CRACR2A: variants seen among roughly 807,000 people sequenced by gnomAD.
CRACR2A encodes EF-hand calcium-binding domain-containing protein 4B.
A neutral mutation model predicts 90.5 loss-of-function variants in CRACR2A; 79 were observed. The ratio of observed to expected loss-of-function variants is 0.87; its 90% confidence interval spans 0.73 to 1.05. The LOEUF is 1.05. Among genes scored for constraint, CRACR2A ranks in the 50% least tolerant of loss-of-function variants. The pLI, the probability that CRACR2A is intolerant of heterozygous loss-of-function variation, is 0.00. For synonymous variants in CRACR2A, 338 were observed against 356.7 expected (o/e 0.95, Z 0.59); for missense variants, 823 against 897.2 (o/e 0.92, Z 1.06).
chr12:3,666,368 CGT>C (rs1945148799), intron 7 of CRACR2A, among the ~76,000 whole-genome samples: 1 of 120,574 alleles, frequency 8.3e-6, no homozygotes, highest in Non-Finnish European at 1.7e-5. Context: ...TGCGTGTGCG[CGT>C]GCGCGCGCAC....
At chr12:3,623,645 G>T (rs906499846) in intron 17 of CRACR2A, among the ~76,000 whole-genome samples, 1 of 152,202 alleles carries the variant, frequency 6.6e-6, no homozygotes, top group Admixed American at 6.5e-5. Flanking sequence ...ATAAGAAATT[G>T]GGGGTGGGTT....
intron 12 of CRACR2A, among the ~76,000 whole-genome samples, chr12:3,642,641 C>T (rs1420891878): frequency 1.3e-5 from 2 of 152,210 alleles, no homozygotes; most frequent in Admixed American, 1.3e-4. Context: ...AGTAACTAGC[C>T]AGGAGGATCA....
At chr12:3,660,701 T>C (rs1406341052) in intron 7 of CRACR2A, among the ~76,000 whole-genome samples, 1 of 152,088 alleles carries the variant, frequency 6.6e-6, no homozygotes, top group Non-Finnish European at 1.5e-5. Flanking sequence ...TTCATACCTT[T>C]TTTGCTGACC....
intron 2 of CRACR2A, among the ~76,000 whole-genome samples, chr12:3,723,124 C>T (rs1227584785): frequency 3.9e-5 from 6 of 152,186 alleles, no homozygotes; most frequent in Non-Finnish European, 7.3e-5. Flanking sequence ...TGCTGGACTG[C>T]GAGCTCCTTG....
intron 1 of CRACR2A, among the ~76,000 whole-genome samples, chr12:3,738,630 C>T (rs909543066): frequency 7.2e-5 from 11 of 151,944 alleles, no homozygotes; most frequent in Admixed American, 2.0e-4. Context: ...TGAAAGAGAA[C>T]TTAAGAGACA....
intron 8 of CRACR2A, among the ~76,000 whole-genome samples, chr12:3,656,822 C>T (rs1944919142): frequency 6.6e-6 from 1 of 152,154 alleles, no homozygotes; most frequent in Non-Finnish European, 1.5e-5. Flanking sequence ...CACCTTCCGA[C>T]CTGGATATTC....
intron 7 of CRACR2A, among the ~76,000 whole-genome samples, chr12:3,669,845 G>T (rs894223330): frequency 5.3e-5 from 8 of 152,066 alleles, no homozygotes; most frequent in Admixed American, 1.3e-4. Flanking sequence ...GGAGGCTGGG[G>T]ACAGGGAGTG....
intron 7 of CRACR2A, among the ~76,000 whole-genome samples, chr12:3,665,244 C>T (rs935690666): frequency 2.0e-5 from 3 of 152,150 alleles, no homozygotes; most frequent in African/African-American, 7.2e-5. Context: ...TTATCCTCCC[C>T]GTCCTTTTCT....
chr12:3,730,041 G>A (rs1946336353), intron 2 of CRACR2A: 1 of 152,252 alleles, frequency 6.6e-6, no homozygotes, highest in Non-Finnish European at 1.5e-5. Flanking sequence ...CTCCCGAGAT[G>A]AAAGCCTGGA....
intron 17 of CRACR2A, among the ~76,000 whole-genome samples, chr12:3,621,617 C>G (rs551541347): frequency 2.0e-5 from 2 of 100,288 alleles, no homozygotes; most frequent in Non-Finnish European, 3.7e-5. Context: ...TGCCACTGCA[C>G]TCCAGCCTCA....
At position 3,659,585 on chromosome 12, in the gene CRACR2A, C is replaced by T. The variant is rs148965074; in HGVS notation, c.741G>A (p.Glu247=). Residue 247 remains glutamate (E), a synonymous_variant, in exon 8 of 20, where the codon GAG becomes GAA. Coordinates refer to ENST00000440314, the MANE Select transcript of CRACR2A (RefSeq NM_001144958.2). ...YEEMEQQIKS[E]KEQFLLKDTE... is the part of the protein sequence containing the mutation. Reference sequence around the variant, plus strand: ...TTACCTTCAGGAGAAACTGCTCCTTCTCACTTTTGATTTGTTGTTCCATCT... The same window carrying T: ...TTACCTTCAGGAGAAACTGCTCCTTTTCACTTTTGATTTGTTGTTCCATCT... 37 of 1,614,052 alleles carry T rather than the reference C, an allele frequency of 2.3e-5. No homozygotes were observed. In the African/African-American group the frequency reaches 2.8e-4, roughly 12 times the overall value.
At chr12:3,747,184 T>G (rs891406842) in intron 1 of CRACR2A, among the ~76,000 whole-genome samples, 1 of 152,208 alleles carries the variant, frequency 6.6e-6, no homozygotes, top group African/African-American at 2.4e-5. Flanking sequence ...CGGCCTCTTA[T>G]CAGCTGTGTG....
chr12:3,682,434 C>T (rs1945473495), intron 4 of CRACR2A, among the ~76,000 whole-genome samples: 1 of 152,184 alleles, frequency 6.6e-6, no homozygotes, highest in Non-Finnish European at 1.5e-5. Flanking sequence ...CCCCAAATCC[C>T]CCTGTTGTCT....
At chr12:3,680,917 A>G (rs543437665) in intron 4 of CRACR2A, among the ~76,000 whole-genome samples, 1 of 152,124 alleles carries the variant, frequency 6.6e-6, no homozygotes, top group East Asian at 1.9e-4. Context: ...CATTCAATAT[A>G]AAGTAGTAGG....
At chr12:3,685,160 C>T (rs1187595366) in intron 4 of CRACR2A, among the ~76,000 whole-genome samples, 1 of 152,204 alleles carries the variant, frequency 6.6e-6, no homozygotes, top group African/African-American at 2.4e-5. Flanking sequence ...GGCAAAATTG[C>T]CGCCACTCAT....
intron 7 of CRACR2A, among the ~76,000 whole-genome samples, chr12:3,662,174 T>C (rs1177293182): frequency 1.3e-5 from 2 of 152,106 alleles, no homozygotes; most frequent in African/African-American, 4.8e-5. Context: ...TCAGAGATCC[T>C]GGGCCCAACC....
chr12:3,643,872 A>ATATGTTATATATAT (rs1944630667), intron 12 of CRACR2A, among the ~76,000 whole-genome samples: 1 of 70,594 alleles, frequency 1.4e-5, no homozygotes, highest in South Asian at 3.7e-4. Flanking sequence ...TATATATATT[A>ATATGTTATATATAT]TATATATTTA....
intron 12 of CRACR2A, among the ~76,000 whole-genome samples, chr12:3,643,848 T>TTA (rs1181557713): frequency 3.3e-5 from 2 of 61,436 alleles, no homozygotes; most frequent in Non-Finnish European, 5.8e-5. Context: ...ATAATATATA[T>TTA]TATATATTTA....
At chr12:3,750,281 G>A (rs1365046941) in intron 1 of CRACR2A, among the ~76,000 whole-genome samples, 1 of 152,168 alleles carries the variant, frequency 6.6e-6, no homozygotes, top group Non-Finnish European at 1.5e-5. Flanking sequence ...CTGCAAGACA[G>A]CGGCCTCCAT....
Sources: allele counts gnomAD v4.1 joint callset (sites outside exome capture counted in the v4.1 genomes callset), GRCh38; gene constraint gnomAD v4.1.1; transcripts MANE v1.5; gene names NCBI Gene and HGNC (gene_info 2026-07-23, HGNC 2026-07-21).